CRTAM: variants seen among roughly 807,000 people sequenced by gnomAD.
The protein encoded by CRTAM is cytotoxic and regulatory T cell molecule, also known as cytotoxic and regulatory T-cell molecule.
CRTAM carries 44 observed loss-of-function variants against 50.0 expected under a neutral mutation model. The ratio of observed to expected loss-of-function variants is 0.88; its 90% CI spans 0.69 to 1.13. CRTAM has a LOEUF of 1.13. CRTAM is among the 50% of genes most tolerant of loss of function. The pLI, the probability that CRTAM is intolerant of heterozygous loss-of-function variation, is 0.00. For synonymous variants in CRTAM, 159 were observed against 169.3 expected, an observed-to-expected ratio of 0.94 and a Z score of 0.47; for missense variants, 448 against 457.5, an observed-to-expected ratio of 0.98 and a Z score of 0.19.
At chr11:122,847,826 G>C (rs1367154646) in intron 1 of CRTAM, among the ~76,000 whole-genome samples, 4 of 152,198 alleles carry the variant, frequency 2.6e-5, no homozygotes, top group Non-Finnish European at 5.9e-5. Context: ...TTAATTATTT[G>C]ACCTTATGCT....
intron 7 of CRTAM, 119 bp downstream of exon 7, chr11:122,864,838 T>C: frequency 1.4e-6 from 1 of 702,450 alleles, no homozygotes; most frequent in East Asian, 2.7e-5. Context: ...TAGGACATGA[T>C]TGGTTAATCA....
At position 122,867,390 on chromosome 11, in the gene CRTAM, T is replaced by G; in HGVS notation, c.818-19T>G. 1 of 1,598,662 alleles carries G rather than the reference T, an allele frequency of 6.3e-7. No homozygotes were observed. Among genetic ancestry groups the G allele is most frequent in the Non-Finnish European group, 8.5e-7 (1 of 1,175,332 alleles). Reference sequence around the variant, plus strand: ...AAAAAACCCAAAGTATCTAAACTCCTTTTTCATTTTCCTTATAGAAGCAAA... The same window carrying G: ...AAAAAACCCAAAGTATCTAAACTCCGTTTTCATTTTCCTTATAGAAGCAAA... On this transcript the variant is annotated intron_variant, in intron 7 of 9. Coordinates refer to ENST00000227348, the MANE Select transcript of CRTAM (RefSeq NM_019604.4).
chr11:122,848,138 T>C lies in CRTAM; in HGVS notation c.47-1930T>C, dbSNP rs141856486. Among the ~76,000 whole-genome samples, 427 of 152,268 alleles carry C rather than the reference T, an allele frequency of 2.8e-3. 3 individuals are homozygous for C. Among genetic ancestry groups the C allele is most frequent in the African/African-American group, 9.5e-3 (395 of 41,562 alleles). On this transcript the variant is annotated intron_variant, in intron 1 of 9. Coordinates refer to ENST00000227348, the MANE Select transcript of CRTAM (RefSeq NM_019604.4). ...GGCCCCACCACGAATTCCGAGTTAATTAGTAGTGAATGAGGCCAGGACACA... is the reference window on the plus strand; with the variant it reads ...GGCCCCACCACGAATTCCGAGTTAACTAGTAGTGAATGAGGCCAGGACACA...
At position 122,868,040 on chromosome 11, in the gene CRTAM, A is replaced by G; in HGVS notation, c.992A>G (p.Glu331Gly). ...AACGAAGTTTCAGAACACACACTAG[A>G]AAGTTACAGATCAAGGTCAAATAAT... ...KENEVSEHTL[E>G]SYRSRSNNEE... The change falls in exon 9 of 10, where the codon GAA becomes GGA. Residue 331 changes from glutamate to glycine, a missense_variant. Transcript: ENST00000227348. The G allele has an allele frequency of 6.2e-7, 1 of 1,613,046 alleles. No homozygotes were observed.
intron 5 of CRTAM, among the ~76,000 whole-genome samples, chr11:122,861,375 CAT>C (rs1365205190): frequency 3.4e-4 from 39 of 115,402 alleles, no homozygotes; most frequent in Non-Finnish European, 1.2e-4. Context: ...CACACACACA[CAT>C]ACATATACGT....
chr11:122,842,897 G>A (rs1044455862), intron 1 of CRTAM, among the ~76,000 whole-genome samples: 2 of 152,172 alleles, frequency 1.3e-5, no homozygotes, highest in East Asian at 1.9e-4. Context: ...TAGAGATAAC[G>A]AGTTCCAATG....
chr11:122,858,104 G>A (rs1022354393), intron 5 of CRTAM, among the ~76,000 whole-genome samples: 14 of 152,066 alleles, frequency 9.2e-5, no homozygotes, highest in African/African-American at 2.7e-4. Flanking sequence ...CTGAGACGGG[G>A]TCTCCCTATG....
At chr11:122,860,888 G>A (rs948124176) in intron 5 of CRTAM, among the ~76,000 whole-genome samples, 1 of 151,990 alleles carries the variant, frequency 6.6e-6, no homozygotes, top group Admixed American at 6.6e-5. Context: ...GTAGAGATGG[G>A]GTCTTGCCAT....
intron 4 of CRTAM, 132 bp from the exon 5 acceptor site, chr11:122,855,563 A>T: frequency 1.4e-6 from 1 of 690,144 alleles, no homozygotes; most frequent in Non-Finnish European, 2.4e-6. Flanking sequence ...AGCCTATACA[A>T]GGGAACTGGC....
At chr11:122,866,441 T>G (rs947986831) in intron 7 of CRTAM, among the ~76,000 whole-genome samples, 42 of 152,098 alleles carry the variant, frequency 2.8e-4, no homozygotes, top group Non-Finnish European at 3.7e-4. Flanking sequence ...TGTTTATATA[T>G]AGAGACAGCT....
intron 1 of CRTAM, 115 bp from the exon 2 acceptor site, chr11:122,849,953 A>AT: frequency 1.9e-6 from 2 of 1,042,256 alleles, no homozygotes; most frequent in Non-Finnish European, 2.6e-6. Flanking sequence ...GTATTTGCTT[A>AT]TTTTTTGGTT....
intron 6 of CRTAM, among the ~76,000 whole-genome samples, chr11:122,863,041 G>A (rs541110874): frequency 6.6e-6 from 1 of 152,190 alleles, no homozygotes; most frequent in Admixed American, 6.5e-5. Flanking sequence ...CAATAACTCA[G>A]GTCATTTTTG....
chr11:122,867,501 A>G lies in CRTAM; in HGVS notation c.910A>G (p.Ile304Val). ...VSFLIFILFI[I>V]VQLFIMKLRK... ...CTTCCTCATTTTCATACTCTTCATC[A>G]TAGTCCAGCTCTTCATCATGAAGCT... The change falls in exon 8 of 10, where the codon ATA becomes GTA. Residue 304 changes from isoleucine (I) to valine (V), a missense_variant. Ile to Val is a conservative substitution (Grantham distance 29). Transcript: ENST00000227348. The G allele has an allele frequency of 4.3e-6, 7 of 1,614,136 alleles. No individual in the cohort carries two copies. The highest frequency in any genetic ancestry group is 5.9e-6 in the Non-Finnish European group (7 of 1,180,012).
chr11:122,849,719 T>C (rs559826390), intron 1 of CRTAM, among the ~76,000 whole-genome samples: 2 of 151,506 alleles, frequency 1.3e-5, no homozygotes, highest in South Asian at 2.1e-4. Flanking sequence ...TGAGACTTTG[T>C]CTCAAAAAAA....
chr11:122,841,460 G>A (rs1209265315), intron 1 of CRTAM, among the ~76,000 whole-genome samples: 1 of 150,388 alleles, frequency 6.6e-6, no homozygotes, highest in Admixed American at 6.6e-5. Flanking sequence ...GAGTGCAGTG[G>A]TGTGATCTCA....
At chr11:122,838,732 G>A in intron 1 of CRTAM, 140 bp downstream of exon 1, 1 of 706,816 alleles carries the variant, frequency 1.4e-6, no homozygotes, top group Admixed American at 2.5e-5. Flanking sequence ...TCCAAGCCAT[G>A]CTCAAATCAT....
intron 5 of CRTAM, 52 bp downstream of exon 5, chr11:122,855,908 AC>A: frequency 6.9e-7 from 1 of 1,444,162 alleles, no homozygotes; most frequent in South Asian, 1.2e-5. Context: ...CTTTAATATT[AC>A]ACTATCAAAC....
At chr11:122,852,577 C>T (rs1043607805) in intron 3 of CRTAM, among the ~76,000 whole-genome samples, 5 of 152,038 alleles carry the variant, frequency 3.3e-5, no homozygotes, top group African/African-American at 1.2e-4. Context: ...CAGTGTGGTG[C>T]CTGCCATACG....
Position 122,872,242 on chromosome 11 carries a change from G to T in CRTAM, c.*843G>T, listed in dbSNP as rs75602466. On this transcript the variant is annotated 3_prime_UTR_variant, in exon 10 of 10. Coordinates refer to ENST00000227348, the MANE Select transcript of CRTAM (RefSeq NM_019604.4). ...ATAAATGAGTCAGATGAGCAAGAAG[G>T]CCCCAGAACCCATGCCCCAAGGCAC... 1 of 152,228 alleles carries T rather than the reference G, an allele frequency of 6.6e-6. No individual in the cohort carries two copies. Among genetic ancestry groups the T allele is most frequent in the Non-Finnish European group, 1.5e-5 (1 of 68,096 alleles). The allele number at this position is 152,228 out of a possible 1,614,324, so 9.4% of individuals were successfully genotyped here.
Sources: allele counts gnomAD v4.1 joint callset (sites outside exome capture counted in the v4.1 genomes callset), GRCh38; gene constraint gnomAD v4.1.1; transcripts MANE v1.5; gene names NCBI Gene and HGNC (gene_info 2026-07-23, HGNC 2026-07-21).